Variants in CERS4 observed in about 807,000 individuals in gnomAD.
The protein encoded by CERS4 is LAG1 homolog, ceramide synthase 4.
A neutral mutation model predicts 51.8 loss-of-function variants in CERS4; 65 were observed. The observed-to-expected ratio is 1.26, with a 90% CI of 1.03 to 1.54. The LOEUF is 1.54. CERS4 is among the 40% of genes most tolerant of loss of function. The pLI is 0.00. For missense variants in CERS4, 563 were observed against 500.4 expected, an observed-to-expected ratio of 1.13 and a Z score of -1.19; for synonymous variants, 228 against 208.4, an observed-to-expected ratio of 1.09 and a Z score of -0.81.
intron 2 of CERS4, among the ~76,000 whole-genome samples, chr19:8,229,917 G>A (rs759751724): frequency 3.9e-5 from 6 of 151,980 alleles, no homozygotes; most frequent in Non-Finnish European, 8.8e-5. Context: ...GTAGAGACAA[G>A]GTCTCACTGT....
At chr19:8,232,451 C>T (rs1174264213) in intron 2 of CERS4, among the ~76,000 whole-genome samples, 4 of 152,078 alleles carry the variant, frequency 2.6e-5, no homozygotes, top group East Asian at 3.9e-4. Context: ...CCACCACACC[C>T]GGCAATTTTT....
At position 8,239,408 on chromosome 19, in the gene CERS4, AAAAG is replaced by A. The variant is rs1408947446; in HGVS notation, c.-1-11664_-1-11661del. The A allele has an allele frequency of 4.1e-3, 433 of 105,374 alleles. 6 individuals carry two copies. Among genetic ancestry groups the A allele is most frequent in the African/African-American group, 5.6e-3 (168 of 29,978 alleles). 6.5% of individuals were successfully genotyped at this position (105,374 alleles called of 1,614,324 possible). A position where few individuals can be genotyped will look rare whatever the true frequency, so the allele number is the denominator to read the frequency against. ...GAGCAAAACTCCGTCTCAAAAAAAA[AAAAG>A]AAAAAGAAAAAAGAAAAATTGCATG... On this transcript the variant is annotated intron_variant, in intron 2 of 11. Coordinates refer to ENST00000251363, the MANE Select transcript of CERS4 (RefSeq NM_024552.3).
rs379983 is a variant in CERS4, at chr19:8,250,963, A to G, written c.-1-113A>G. 1,376,399 of 1,476,200 alleles carry G rather than the reference A, an allele frequency of 0.93. 647,277 individuals are homozygous for G. The highest frequency in any genetic ancestry group is 0.96 in the Non-Finnish European group (1,071,509 of 1,115,728). The allele number at this position is 1,476,200 out of a possible 1,614,324, so 91.4% of individuals were successfully genotyped here. On this transcript the variant is annotated intron_variant, in intron 2 of 11. Coordinates refer to ENST00000251363, the MANE Select transcript of CERS4 (RefSeq NM_024552.3). ...TTCCAGTCCTGCCTCCTGGTTGTCA[A>G]CTGCGCTGATAGGGGCCCGAGTAGG...
intron 2 of CERS4, among the ~76,000 whole-genome samples, chr19:8,224,367 A>C (rs1967696553): frequency 1.3e-5 from 2 of 149,962 alleles, no homozygotes; most frequent in South Asian, 2.1e-4. Context: ...AGATTGTGCC[A>C]CTGCACTCCA....
At chr19:8,222,802 C>T (rs747452762) in intron 2 of CERS4, among the ~76,000 whole-genome samples, 1 of 151,866 alleles carries the variant, frequency 6.6e-6, no homozygotes, top group African/African-American at 2.4e-5. Flanking sequence ...CTGGCCAGCA[C>T]GAGCCTTTTG....
Position 8,256,706 on chromosome 19 carries a change from G to T in CERS4, c.608G>T (p.Arg203Leu). Reference sequence around the variant, plus strand: ...ATCAGGCTGCCCTTTGATGTCAAGCGCAAGGTGAGGCCAAATAAGAGTCTG... The same window carrying T: ...ATCAGGCTGCCCTTTGATGTCAAGCTCAAGGTGAGGCCAAATAAGAGTCTG... ...LLIRLPFDVKRKDFKEQVIHH... is the reference protein window; with the variant it reads ...LLIRLPFDVKLKDFKEQVIHH... The change falls in exon 8 of 12, where the codon CGC becomes CTC. Residue 203 changes from arginine to leucine, a missense_variant. By Grantham distance (102) the Arg-to-Leu change is moderately radical (BLOSUM62 -2). Coordinates refer to ENST00000251363, the MANE Select transcript of CERS4 (RefSeq NM_024552.3). 6.2e-7 allele frequency: 1 copy of T among 1,612,568 alleles called. No homozygotes were observed. Among genetic ancestry groups the T allele is most frequent in the Non-Finnish European group, 8.5e-7 (1 of 1,179,388 alleles).
intron 7 of CERS4, 62 bp downstream of exon 7, chr19:8,256,348 C>G: frequency 6.3e-7 from 1 of 1,576,042 alleles, no homozygotes; most frequent in Admixed American, 1.7e-5. Context: ...GTTGCTGCAG[C>G]CATGGGCATG....
chr19:8,261,193 G>C (rs1261495798), intron 10 of CERS4: 1 of 152,582 alleles, frequency 6.6e-6, no homozygotes, highest in Non-Finnish European at 1.4e-5. Flanking sequence ...CGGGAGATGA[G>C]GCCCCACCCC....
intron 10 of CERS4, among the ~76,000 whole-genome samples, chr19:8,260,108 G>A (rs1413526732): frequency 6.6e-6 from 1 of 152,040 alleles, no homozygotes; most frequent in East Asian, 1.9e-4. Flanking sequence ...CCAGCTGGTG[G>A]GGCTGCAGGG....
intron 2 of CERS4, among the ~76,000 whole-genome samples, chr19:8,235,654 G>A (rs972378651): frequency 7.2e-5 from 11 of 151,774 alleles, no homozygotes; most frequent in Middle Eastern, 3.4e-3. Context: ...TTGGGATGCC[G>A]AGGTGGGAGG....
intron 10 of CERS4, 142 bp from the exon 11 acceptor site, chr19:8,261,546 T>C: frequency 1.1e-6 from 1 of 908,864 alleles, no homozygotes; most frequent in South Asian, 1.5e-5. Flanking sequence ...AGCTCAAGAG[T>C]GTTAGGTATC....
chr19:8,252,364 C>G (rs1268176519), intron 3 of CERS4, among the ~76,000 whole-genome samples: 2 of 31,574 alleles, frequency 6.3e-5, no homozygotes, highest in Non-Finnish European at 1.3e-4. Flanking sequence ...GAGCAAAACT[C>G]CATCTAAAAA....
chr19:8,261,709 C>T lies in CERS4; in HGVS notation c.870C>T (p.Tyr290=), dbSNP rs762692199. Reference sequence around the variant, plus strand: ...GTAGGATCCTCTACACCACATACTACGAGTCCATCAGCAACAGGGGCCCCT... The same window carrying T: ...GTAGGATCCTCTACACCACATACTATGAGTCCATCAGCAACAGGGGCCCCT... ...FPTQILYTTY[Y]ESISNRGPFF... is the part of the protein sequence containing the mutation. Residue 290 remains tyrosine, a synonymous_variant, in exon 11 of 12, where the codon TAC becomes TAT. Transcript: ENST00000251363. The T allele has an allele frequency of 1.2e-5, 19 of 1,614,018 alleles. No homozygotes were observed. In the South Asian group the frequency reaches 1.4e-4, roughly 12 times the overall value.
At chr19:8,219,690 A>T (rs1266800777) in intron 2 of CERS4, among the ~76,000 whole-genome samples, 1 of 152,072 alleles carries the variant, frequency 6.6e-6, no homozygotes, top group Non-Finnish European at 1.5e-5. Context: ...GTGGTGGCAC[A>T]TACCTGTAAC....
At chr19:8,233,157 C>T (rs1325081349) in intron 2 of CERS4, among the ~76,000 whole-genome samples, 21 of 151,672 alleles carry the variant, frequency 1.4e-4, no homozygotes, top group Non-Finnish European at 1.5e-5. Flanking sequence ...AGGCAAAAGC[C>T]ACCACACTCG....
At chr19:8,229,735 C>T (rs1255637015) in intron 2 of CERS4, among the ~76,000 whole-genome samples, 3 of 151,564 alleles carry the variant, frequency 2.0e-5, no homozygotes, top group Non-Finnish European at 2.9e-5. Flanking sequence ...GAGAAAGGGT[C>T]TCACTCTGTC....
At chr19:8,215,703 C>A (rs1196564979) in intron 2 of CERS4, among the ~76,000 whole-genome samples, 2 of 152,066 alleles carry the variant, frequency 1.3e-5, no homozygotes, top group Non-Finnish European at 2.9e-5. Flanking sequence ...TTCTGTTGAG[C>A]CACGGCACTG....
chr19:8,244,882 C>T (rs1427571827), intron 2 of CERS4, among the ~76,000 whole-genome samples: 3 of 151,880 alleles, frequency 2.0e-5, no homozygotes, highest in African/African-American at 7.2e-5. Flanking sequence ...CGGTGGCTCT[C>T]ACCTGTAATC....
intron 3 of CERS4, among the ~76,000 whole-genome samples, chr19:8,252,060 CTA>C (rs1489067678): frequency 4.4e-5 from 3 of 68,080 alleles, no homozygotes; most frequent in African/African-American, 1.3e-4. Flanking sequence ...AACCTCATCT[CTA>C]TTAAAAAAAA....
Sources: allele counts gnomAD v4.1 joint callset (sites outside exome capture counted in the v4.1 genomes callset), GRCh38; gene constraint gnomAD v4.1.1; transcripts MANE v1.5; gene names NCBI Gene and HGNC (gene_info 2026-07-23, HGNC 2026-07-21).